AGPAT4: variants seen among roughly 807,000 people sequenced by gnomAD.
AGPAT4 encodes the protein 1-acyl-sn-glycerol-3-phosphate acyltransferase delta.
In AGPAT4, 15 loss-of-function variants were observed where a neutral mutation model predicts 48.0. That is an observed-to-expected ratio of 0.31 (90% CI 0.21 to 0.48). AGPAT4 has a LOEUF of 0.48. Ranked by LOEUF, AGPAT4 falls within the 20% of genes least tolerant of loss-of-function variation. The pLI, the probability that AGPAT4 is intolerant of heterozygous loss-of-function variation, is 0.99. For missense variants in AGPAT4, 314 were observed against 482.5 expected (o/e 0.65, Z 3.27); for synonymous variants, 178 against 198.7 (o/e 0.90, Z 0.88).
At position 161,154,278 on chromosome 6, in the gene AGPAT4, G is replaced by C. The variant is rs776697690; in HGVS notation, c.381C>G (p.Ala127=). The C allele has an allele frequency of 5.0e-6, 8 of 1,614,050 alleles. No homozygotes were observed. In the African/African-American group the frequency reaches 1.1e-4, roughly 22 times the overall value. Residue 127 remains alanine (A), a synonymous_variant, in exon 4 of 9, where the codon GCC becomes GCG. Transcript: ENST00000320285. This position sits in a 1 kb window ranked among gnomAD's most constrained non-coding sequence, Gnocchi z 7.8. Reference sequence around the variant, plus strand: ...ACATCCAGCCGATAATTGGGACATAGGCCAGCTCTTTCTTGGCCAGGACCT... The same window carrying C: ...ACATCCAGCCGATAATTGGGACATACGCCAGCTCTTTCTTGGCCAGGACCT... ...GSKVLAKKEL[A]YVPIIGWMWY...
chr6:161,183,835 C>T (rs910349675), intron 2 of AGPAT4, among the ~76,000 whole-genome samples: 23 of 151,312 alleles, frequency 1.5e-4, no homozygotes, highest in African/African-American at 5.6e-4. Context: ...GGGAGCCAGC[C>T]TCGTGGCTCT....
rs151190357 is a variant in AGPAT4, at chr6:161,200,371, A to T, written c.178+31665T>A. ...GGAAGGGATGCACAGTAAATGATGG[A>T]GTGCGCTGTCTGAATTCAGAGAGTT... On this transcript the variant is annotated intron_variant, in intron 2 of 8. Coordinates refer to ENST00000320285, the MANE Select transcript of AGPAT4 (RefSeq NM_020133.3). This position sits in a 1 kb window ranked among gnomAD's most constrained non-coding sequence, Gnocchi z 5.5. Among the ~76,000 whole-genome samples the T allele has an allele frequency of 4.2e-3, 634 of 152,318 alleles. 4 individuals are homozygous for T. The highest frequency in any genetic ancestry group is 0.015 in the African/African-American group (613 of 41,572).
rs558725723 is a variant in AGPAT4 at position 161,164,164 on chromosome 6, A to C, written c.348+2084T>G. On this transcript the variant is annotated intron_variant, in intron 3 of 8. Coordinates refer to ENST00000320285, the MANE Select transcript of AGPAT4 (RefSeq NM_020133.3). The surrounding 1 kb of genome is among the most constrained non-coding windows in gnomAD (Gnocchi z 7.4). ...CGGAAGCCTTTGGGAGCAAAACCCT[A>C]AACGGTGCTGAGATTAAATTCCCGC... is the stretch of plus-strand genomic sequence containing the variant. 3.9e-5 allele frequency among the ~76,000 whole-genome samples: 6 copies of C among 152,200 alleles called. No homozygotes were observed. Among genetic ancestry groups the C allele is most frequent in the Non-Finnish European group, 7.3e-5 (5 of 68,044 alleles).
At position 161,201,468 on chromosome 6, in the gene AGPAT4, C is replaced by T. The variant is rs1781238250; in HGVS notation, c.178+30568G>A. Among the ~76,000 whole-genome samples the T allele has an allele frequency of 6.6e-6, 1 of 152,124 alleles. No homozygotes were observed. Among genetic ancestry groups the T allele is most frequent in the Admixed American group, 6.5e-5 (1 of 15,274 alleles). On this transcript the variant is annotated intron_variant, in intron 2 of 8. Coordinates refer to ENST00000320285, the MANE Select transcript of AGPAT4 (RefSeq NM_020133.3). The surrounding 1 kb of genome is among the most constrained non-coding windows in gnomAD (Gnocchi z 6.0). ...AAACCAGGAGAAATGGTTTTCTGTT[C>T]TTTAATTAGTTACTTCTGGTTTTCA...
In AGPAT4 at chr6:161,169,217, T is replaced by G. The variant is rs1316324653; in HGVS notation, c.179-2800A>C. Among the ~76,000 whole-genome samples, 1 of 152,050 alleles carries G rather than the reference T, an allele frequency of 6.6e-6. No individual in the cohort carries two copies. Among genetic ancestry groups the G allele is most frequent in the Non-Finnish European group, 1.5e-5 (1 of 68,018 alleles). On this transcript the variant is annotated intron_variant, in intron 2 of 8. Coordinates refer to ENST00000320285, the MANE Select transcript of AGPAT4 (RefSeq NM_020133.3). This position sits in a 1 kb window ranked among gnomAD's most constrained non-coding sequence, Gnocchi z 5.0. ...ATTCTAAAGGCAATATAAAAACCAC[T>G]GGAGCATTTTTAAATAGACACACAC...
Position 161,155,094 on chromosome 6 carries a change from G to A in AGPAT4, c.349-784C>T, listed in dbSNP as rs754950438. 1.3e-5 allele frequency among the ~76,000 whole-genome samples: 2 copies of A among 152,154 alleles called. No homozygotes were observed. Among genetic ancestry groups the A allele is most frequent in the African/African-American group, 2.4e-5 (1 of 41,442 alleles). The stretch of plus-strand genomic sequence containing the variant: ...TGCCAGAGACCTTCTTGAGGCTGAC[G>A]CAGGTGCACGAGCTAGGCCCCACAG... On this transcript the variant is annotated intron_variant, in intron 3 of 8. Coordinates refer to ENST00000320285, the MANE Select transcript of AGPAT4 (RefSeq NM_020133.3). This position sits in a 1 kb window ranked among gnomAD's most constrained non-coding sequence, Gnocchi z 5.8.
In AGPAT4 at chr6:161,137,128, C is replaced by G. The variant is rs1311862434; in HGVS notation, c.1043-494G>C. Among the ~76,000 whole-genome samples, 6 of 152,218 alleles carry G rather than the reference C, an allele frequency of 3.9e-5. No homozygotes were observed. The highest frequency in any genetic ancestry group is 7.3e-5 in the Non-Finnish European group (5 of 68,046). On this transcript the variant is annotated intron_variant, in intron 8 of 8. Transcript: ENST00000320285. This position sits in a 1 kb window ranked among gnomAD's most constrained non-coding sequence, Gnocchi z 6.1. ...AGAGCAGTGAGAAAATCCCCGCCCT[C>G]TCCTCTGACGGCAGGATTTGCCTAC...
In AGPAT4 at chr6:161,184,261, T is replaced by A. The variant is rs1562328423; in HGVS notation, c.179-17844A>T. ...TGGGCATAGTGGAAATGGTGAGAAA[T>A]GATCATATTTAGGATGATATATGCT... On this transcript the variant is annotated intron_variant, in intron 2 of 8. Transcript: ENST00000320285. The surrounding 1 kb of genome is among the most constrained non-coding windows in gnomAD (Gnocchi z 4.8). Among the ~76,000 whole-genome samples the A allele has an allele frequency of 6.6e-6, 1 of 151,424 alleles. No individual in the cohort carries two copies. The highest frequency in any genetic ancestry group is 1.5e-5 in the Non-Finnish European group (1 of 67,816).
chr6:161,181,141 CCTCCCAG>C (rs1780575933), intron 2 of AGPAT4, among the ~76,000 whole-genome samples: 1 of 152,146 alleles, frequency 6.6e-6, no homozygotes, highest in African/African-American at 2.4e-5. Context: ...CAGAAAGGTG[CCTCCCAG>C]CTCTAGCCCA....
At chr6:161,190,431 G>C (rs1264433169) in intron 2 of AGPAT4, among the ~76,000 whole-genome samples, 2 of 151,948 alleles carry the variant, frequency 1.3e-5, no homozygotes, top group Non-Finnish European at 2.9e-5. Context: ...AGAGTGATTT[G>C]ATCCTTTTAT....
chr6:161,138,581 G>C lies in AGPAT4; in HGVS notation c.1042+841C>G, dbSNP rs372599077. Among the ~76,000 whole-genome samples, 2 of 152,124 alleles carry C rather than the reference G, an allele frequency of 1.3e-5. No individual in the cohort carries two copies. Among genetic ancestry groups the C allele is most frequent in the Non-Finnish European group, 2.9e-5 (2 of 68,024 alleles). On this transcript the variant is annotated intron_variant, in intron 8 of 8. Transcript: ENST00000320285. The surrounding 1 kb of genome is among the most constrained non-coding windows in gnomAD (Gnocchi z 4.8). Reference sequence around the variant, plus strand: ...TCCTGACACACTTTCCATTTTCTGCGCTTGTCTATTGCTTGGGCCTTTTAT... The same window carrying C: ...TCCTGACACACTTTCCATTTTCTGCCCTTGTCTATTGCTTGGGCCTTTTAT...
rs1330858581 is a variant in AGPAT4, at chr6:161,164,217, G to A, written c.348+2031C>T. 6.6e-6 allele frequency among the ~76,000 whole-genome samples: 1 copy of A among 152,194 alleles called. No homozygotes were observed. Among genetic ancestry groups the A allele is most frequent in the Non-Finnish European group, 1.5e-5 (1 of 68,040 alleles). The stretch of plus-strand genomic sequence containing the variant: ...CGTGAATGTCTCTTCCCGTCTGGGG[G>A]CTATGTCCTCTCTCTGGACCTGGGT... On this transcript the variant is annotated intron_variant, in intron 3 of 8. Coordinates refer to ENST00000320285, the MANE Select transcript of AGPAT4 (RefSeq NM_020133.3). This position sits in a 1 kb window ranked among gnomAD's most constrained non-coding sequence, Gnocchi z 7.4.
chr6:161,228,141 T>C (rs932686326), intron 2 of AGPAT4, among the ~76,000 whole-genome samples: 4 of 152,216 alleles, frequency 2.6e-5, no homozygotes, highest in Non-Finnish European at 4.4e-5. Flanking sequence ...CTTTAAGGAA[T>C]TTCTAAAGCA....
rs1234728730 is a variant in AGPAT4, at chr6:161,266,009, C to T, written c.-90+7929G>A. Among the ~76,000 whole-genome samples the T allele has an allele frequency of 2.0e-5, 3 of 152,270 alleles. 1 individual carries two copies. The East Asian group carries it at 5.8e-4, about 29-fold the overall frequency. ...ATGGGTTTGCTTTGATCGGACCAAC[C>T]GGATTCCTGAGTGTACCTGACAGAG... On this transcript the variant is annotated intron_variant, in intron 1 of 8. Transcript: ENST00000320285. The surrounding 1 kb of genome is among the most constrained non-coding windows in gnomAD (Gnocchi z 6.2).
chr6:161,179,800 C>G (rs1780534669), intron 2 of AGPAT4, among the ~76,000 whole-genome samples: 1 of 152,154 alleles, frequency 6.6e-6, no homozygotes, highest in Admixed American at 6.5e-5. Context: ...TTTCTTTTCT[C>G]TAGCTTACTT....
At position 161,201,349 on chromosome 6, in the gene AGPAT4, C is replaced by G. The variant is rs1396695398; in HGVS notation, c.178+30687G>C. ...AAAGTACCAGAAGAAAAGGAAATTA[C>G]AGGAACCAATTTACCTTTTTTTTCA... On this transcript the variant is annotated intron_variant, in intron 2 of 8. Transcript: ENST00000320285. The surrounding 1 kb of genome is among the most constrained non-coding windows in gnomAD (Gnocchi z 6.0). 6.6e-6 allele frequency among the ~76,000 whole-genome samples: 1 copy of G among 152,168 alleles called. No homozygotes were observed. Among genetic ancestry groups the G allele is most frequent in the Non-Finnish European group, 1.5e-5 (1 of 68,022 alleles).
At chr6:161,256,993 C>A (rs905882174) in intron 1 of AGPAT4, among the ~76,000 whole-genome samples, 4 of 152,198 alleles carry the variant, frequency 2.6e-5, no homozygotes, top group African/African-American at 9.6e-5. Context: ...GCCACCTTAG[C>A]CAGTGGGCGT....
In AGPAT4 at chr6:161,146,373, T is replaced by C. The variant is rs1779426237; in HGVS notation, c.843+151A>G. 1.5e-6 allele frequency: 1 copy of C among 647,600 alleles called. No homozygotes were observed. Among genetic ancestry groups the C allele is most frequent in the Non-Finnish European group, 2.7e-6 (1 of 376,514 alleles). 40.1% of individuals were successfully genotyped at this position (647,600 alleles called of 1,614,324 possible). A position where few individuals can be genotyped will look rare whatever the true frequency, so the allele number is the denominator to read the frequency against. On this transcript the variant is annotated intron_variant, in intron 7 of 8. Coordinates refer to ENST00000320285, the MANE Select transcript of AGPAT4 (RefSeq NM_020133.3). This position sits in a 1 kb window ranked among gnomAD's most constrained non-coding sequence, Gnocchi z 7.1. ...CTTAAAAAATATTTTGTCATGTTCT[T>C]CATTGCCAAGAGAGGGTCAGCTCCA...
At chr6:161,258,006 G>A (rs918776428) in intron 1 of AGPAT4, among the ~76,000 whole-genome samples, 16 of 152,150 alleles carry the variant, frequency 1.1e-4, no homozygotes, top group Non-Finnish European at 1.8e-4. Flanking sequence ...TAGTTTTGGC[G>A]CACACATCCT....
Sources: gnomAD v4.1 joint callset for allele counts (sites outside exome capture counted in the v4.1 genomes callset) on GRCh38, gnomAD v4.1.1 for gene constraint, Gnocchi (gnomAD v3.1) non-coding constraint, MANE v1.5 for transcripts, NCBI Gene and HGNC (gene_info 2026-07-23, HGNC 2026-07-21) for gene names.